The following KALRN variants were observed in gnomAD, a reference collection of about 807,000 sequenced individuals.
KALRN encodes kalirin RhoGEF kinase.
Under a neutral mutation model 353.7 loss-of-function variants are expected in KALRN, and 70 were observed. The observed-to-expected ratio is 0.20, with a 90% confidence interval of 0.16 to 0.24. KALRN has a LOEUF of 0.24. Among genes scored for constraint, KALRN ranks in the 10% least tolerant of loss-of-function variants. KALRN has a pLI of 1.00. For synonymous variants in KALRN, 1,391 were observed against 1,434.8 expected (o/e 0.97, Z 0.69); for missense variants, 2,791 against 3,756.7 (o/e 0.74, Z 6.72).
At chr3:124,485,147 C>A (rs955094738) in intron 28 of KALRN, among the ~76,000 whole-genome samples, 1 of 152,084 alleles carries the variant, frequency 6.6e-6, no homozygotes, top group Non-Finnish European at 1.5e-5. Context: ...CTTGTGCTAA[C>A]AGACTTAAAA....
intron 36 of KALRN, among the ~76,000 whole-genome samples, chr3:124,635,625 C>T (rs1348718602): frequency 6.6e-6 from 1 of 152,126 alleles, no homozygotes; most frequent in African/African-American, 2.4e-5. Context: ...ACAATTTTTA[C>T]AACACTGTCA....
intron 1 of KALRN, chr3:124,082,211 A>G (rs1051986697): frequency 1.3e-5 from 6 of 468,784 alleles, no homozygotes; most frequent in African/African-American, 8.0e-5. Flanking sequence ...CCAGGCTTAG[A>G]TTCTTCATTG....
At chr3:124,327,723 A>G (rs1257618638) in intron 7 of KALRN, among the ~76,000 whole-genome samples, 2 of 152,210 alleles carry the variant, frequency 1.3e-5, no homozygotes, top group Non-Finnish European at 2.9e-5. Context: ...CTTAACTTCT[A>G]CAATTCTTTC....
chr3:124,415,017 A>G (rs2092418755), intron 14 of KALRN, among the ~76,000 whole-genome samples: 1 of 152,254 alleles, frequency 6.6e-6, no homozygotes, highest in Non-Finnish European at 1.5e-5. Context: ...GAGACAGTCT[A>G]GTAAATTCTG....
chr3:124,314,855 A>C (rs961090053), intron 6 of KALRN, among the ~76,000 whole-genome samples: 4 of 152,154 alleles, frequency 2.6e-5, no homozygotes, highest in Non-Finnish European at 5.9e-5. Context: ...GGGTCTCACT[A>C]TGTTGCCCAG....
At position 124,719,286 on chromosome 3, in the gene KALRN, G is replaced by A; in HGVS notation, c.8777G>A (p.Arg2926Gln). Residue 2926 changes from arginine to glutamine, a missense_variant, in exon 60 of 60, where the codon CGG becomes CAG. Around this residue, in one of 11 missense-constraint regions of KALRN, gnomAD observed 188 missense variants for 402.9 expected, o/e 0.47. Coordinates refer to ENST00000682506, the MANE Select transcript of KALRN (RefSeq NM_001388419.1). This position sits in a 1 kb window ranked among gnomAD's most constrained non-coding sequence, Gnocchi z 5.3. ...ATCTTACAGGAAGATTTTCGGAGGC[G>A]GCCCACAGCAGCCACATGCTTGCAG... ...NVILQEDFRR[R>Q]PTAATCLQHP... 1 of 1,614,158 alleles carries A rather than the reference G, an allele frequency of 6.2e-7. No homozygotes were observed. The highest frequency in any genetic ancestry group is 8.5e-7 in the Non-Finnish European group (1 of 1,180,034).
intron 33 of KALRN, among the ~76,000 whole-genome samples, chr3:124,517,706 C>T (rs1254771845): frequency 1.3e-5 from 2 of 152,174 alleles, no homozygotes; most frequent in East Asian, 1.9e-4. Context: ...TTCACTCCCT[C>T]AGCCAGCCTT....
intron 1 of KALRN, among the ~76,000 whole-genome samples, chr3:124,170,318 A>G (rs2071555896): frequency 6.6e-6 from 1 of 152,206 alleles, no homozygotes; most frequent in Non-Finnish European, 1.5e-5. Flanking sequence ...TGTGCCAGGT[A>G]TAGTACTGGT....
chr3:124,553,881 T>C (rs2070863467), intron 33 of KALRN, among the ~76,000 whole-genome samples: 1 of 152,270 alleles, frequency 6.6e-6, no homozygotes. Context: ...CGCATCTCTA[T>C]TGACAACTTG....
intron 16 of KALRN, among the ~76,000 whole-genome samples, chr3:124,433,764 A>C (rs2093369936): frequency 6.6e-6 from 1 of 152,194 alleles, no homozygotes; most frequent in Non-Finnish European, 1.5e-5. Context: ...GTTACTCTCT[A>C]GCTTTATTAA....
chr3:124,684,769 G>A (rs1212530676), intron 51 of KALRN, among the ~76,000 whole-genome samples: 1 of 152,216 alleles, frequency 6.6e-6, no homozygotes. Flanking sequence ...CAGGGGGTGT[G>A]GCGGGAATGG....
At chr3:124,190,749 A>G (rs1285171170) in intron 1 of KALRN, among the ~76,000 whole-genome samples, 2 of 152,234 alleles carry the variant, frequency 1.3e-5, no homozygotes, top group East Asian at 3.8e-4. Context: ...CAAACAAACC[A>G]TGCAACACAG....
intron 26 of KALRN, among the ~76,000 whole-genome samples, 174 bp downstream of exon 26, chr3:124,474,906 C>G (rs570498807): frequency 6.6e-6 from 1 of 152,274 alleles, no homozygotes; most frequent in African/African-American, 2.4e-5. Flanking sequence ...CAAGATTAAG[C>G]TCCATCTTAA....
intron 51 of KALRN, among the ~76,000 whole-genome samples, chr3:124,690,755 A>G (rs1316324685): frequency 6.6e-6 from 1 of 152,194 alleles, no homozygotes; most frequent in Non-Finnish European, 1.5e-5. Context: ...GGAGGAGCAC[A>G]TGAAGGAGTT....
chr3:124,706,285 G>A (rs1382960555), intron 57 of KALRN, among the ~76,000 whole-genome samples: 1 of 152,190 alleles, frequency 6.6e-6, no homozygotes, highest in African/African-American at 2.4e-5. Flanking sequence ...AGGCAGTGGA[G>A]CCATTCTGCA....
At chr3:124,685,126 G>C (rs1029185334) in intron 51 of KALRN, among the ~76,000 whole-genome samples, 1 of 152,158 alleles carries the variant, frequency 6.6e-6, no homozygotes, top group African/African-American at 2.4e-5. Context: ...TTCATGAAAA[G>C]AACCCTTTGG....
At chr3:124,609,303 G>C (rs1035125498) in intron 34 of KALRN, among the ~76,000 whole-genome samples, 6 of 152,028 alleles carry the variant, frequency 3.9e-5, no homozygotes, top group African/African-American at 7.2e-5. Flanking sequence ...TGAGGTCATG[G>C]AGTACTTCCT....
chr3:124,516,902 C>A (rs2066648941), intron 33 of KALRN, among the ~76,000 whole-genome samples: 1 of 152,072 alleles, frequency 6.6e-6, no homozygotes, highest in South Asian at 2.1e-4. Flanking sequence ...ACTGCAACCT[C>A]CGCCTCCCAG....
At position 124,700,013 on chromosome 3, in the gene KALRN, T is replaced by C. The variant is rs1306365931; in HGVS notation, c.7976T>C (p.Phe2659Ser). The change falls in exon 56 of 60, where the codon TTT (phenylalanine) becomes TCT (serine). Residue 2659 changes from phenylalanine to serine, a missense_variant. By Grantham distance (155) the Phe-to-Ser change is radical. Transcript: ENST00000682506. ...GISLPSEPSEFVRLPEYDAAA... is the reference protein window; with the variant it reads ...GISLPSEPSESVRLPEYDAAA... ...AGCCTTCCCAGCGAGCCCTCGGAGT[T>C]TGTGCGACTTCCAGAATATGGTGAG... 9.3e-6 allele frequency: 15 copies of C among 1,613,982 alleles called. No individual in the cohort carries two copies. Among genetic ancestry groups the C allele is most frequent in the Non-Finnish European group, 1.2e-5 (14 of 1,180,012 alleles).
Sources: gnomAD v4.1 joint callset for allele counts (sites outside exome capture counted in the v4.1 genomes callset) on GRCh38, gnomAD v4.1.1 for gene constraint, gnomAD v4.1.1 regional missense constraint, Gnocchi (gnomAD v3.1) non-coding constraint, MANE v1.5 for transcripts, NCBI Gene and HGNC (gene_info 2026-07-23, HGNC 2026-07-21) for gene names.